Variants in LRP5 observed in about 807,000 individuals in gnomAD.
The protein encoded by LRP5 is low-density lipoprotein receptor-related protein 5.
A neutral mutation model predicts 154.1 loss-of-function variants in LRP5; 62 were observed. The ratio of observed to expected loss-of-function variants is 0.40; its 90% CI spans 0.33 to 0.50. LRP5 has a LOEUF of 0.50. Ranked by LOEUF, LRP5 falls within the 20% of genes least tolerant of loss-of-function variation. The pLI is 0.55. For synonymous variants in LRP5, 966 were observed against 1,011.5 expected (o/e 0.96, Z 0.85); for missense variants, 1,915 against 2,336.7 (o/e 0.82, Z 3.72).
chr11:68,322,606 G>T (rs1182415563), intron 1 of LRP5, among the ~76,000 whole-genome samples: 1 of 152,256 alleles, frequency 6.6e-6, no homozygotes, highest in South Asian at 2.1e-4. Flanking sequence ...ACCTGGGAGG[G>T]CCTTGAGGAC....
intron 1 of LRP5, among the ~76,000 whole-genome samples, chr11:68,333,845 G>GC (rs2098604220): frequency 1.3e-5 from 2 of 152,168 alleles, no homozygotes; most frequent in Non-Finnish European, 2.9e-5. Flanking sequence ...GATGGCAGTT[G>GC]CCCCCAGATT....
chr11:68,415,332 G>A (rs2098661941), intron 12 of LRP5, among the ~76,000 whole-genome samples: 1 of 152,198 alleles, frequency 6.6e-6, no homozygotes, highest in Non-Finnish European at 1.5e-5. Flanking sequence ...CAGTTCACTG[G>A]TGCACACATA....
intron 10 of LRP5, among the ~76,000 whole-genome samples, chr11:68,411,131 GTGGA>G (rs1227751483): frequency 2.6e-5 from 4 of 152,146 alleles, no homozygotes; most frequent in Non-Finnish European, 5.9e-5. Flanking sequence ...CCAAGCTTAG[GTGGA>G]TGTTCCAGCA....
At chr11:68,364,686 G>A (rs2153140028) in intron 4 of LRP5, among the ~76,000 whole-genome samples, 1 of 152,298 alleles carries the variant, frequency 6.6e-6, no homozygotes, top group Non-Finnish European at 1.5e-5. Flanking sequence ...ACAGGGACCA[G>A]GGATGGAGAT....
chr11:68,315,391 C>G (rs1470124821), intron 1 of LRP5, among the ~76,000 whole-genome samples: 2 of 152,258 alleles, frequency 1.3e-5, no homozygotes, highest in Non-Finnish European at 2.9e-5. Flanking sequence ...CACTCACTCA[C>G]CGCTGCAGCC....
intron 2 of LRP5, among the ~76,000 whole-genome samples, chr11:68,357,261 A>G (rs2098623885): frequency 6.6e-6 from 1 of 152,088 alleles, no homozygotes. Context: ...ATACCACTAA[A>G]TAATATTCCA....
At chr11:68,394,616 C>T (rs1345414594) in intron 7 of LRP5, among the ~76,000 whole-genome samples, 1 of 152,194 alleles carries the variant, frequency 6.6e-6, no homozygotes, top group African/African-American at 2.4e-5. Context: ...CAGGCGCCTG[C>T]CACCGCGCCC....
intron 7 of LRP5, among the ~76,000 whole-genome samples, chr11:68,398,029 T>C (rs1184548776): frequency 1.4e-5 from 2 of 143,098 alleles, no homozygotes; most frequent in Admixed American, 6.9e-5. Flanking sequence ...CGCACATGTG[T>C]ATAAGATCTT....
intron 5 of LRP5, among the ~76,000 whole-genome samples, chr11:68,379,903 A>G (rs2098639349): frequency 6.6e-6 from 1 of 152,184 alleles, no homozygotes; most frequent in Admixed American, 6.5e-5. Context: ...AGGCAGAGGC[A>G]GGCAGATCAC....
chr11:68,406,839 A>C, intron 9 of LRP5, 26 bp downstream of exon 9: 1 of 1,611,624 alleles, frequency 6.2e-7, no homozygotes, highest in South Asian at 1.1e-5. Flanking sequence ...ACGTGCACAC[A>C]GGCAGCCTTT....
chr11:68,365,386 C>G (rs1565348398), intron 4 of LRP5, among the ~76,000 whole-genome samples, 185 bp from the exon 5 acceptor site: 5 of 151,928 alleles, frequency 3.3e-5, no homozygotes, highest in African/African-American at 7.3e-5. Context: ...CCCATGTGGA[C>G]GGGCCAGCGA....
intron 16 of LRP5, among the ~76,000 whole-genome samples, chr11:68,427,915 G>A (rs938071587): frequency 6.6e-6 from 1 of 151,900 alleles, no homozygotes; most frequent in Admixed American, 6.6e-5. Context: ...ATAGAATAAC[G>A]CGAGTTCCCA....
At chr11:68,403,174 G>A (rs1300484684) in intron 7 of LRP5, among the ~76,000 whole-genome samples, 1 of 152,164 alleles carries the variant, frequency 6.6e-6, no homozygotes, top group African/African-American at 2.4e-5. Context: ...GAACCTGGGA[G>A]GTGGAGCTTG....
At chr11:68,344,845 CTCTCTTTTTTTTT>C (rs2098611430) in intron 1 of LRP5, among the ~76,000 whole-genome samples, 1 of 130,480 alleles carries the variant, frequency 7.7e-6, no homozygotes, top group African/African-American at 3.0e-5. Flanking sequence ...GTCAGAATCT[CTCTCTTTTTTTTT>C]TTTTTTTTTT....
In LRP5 at chr11:68,423,799, C is replaced by CAT; in HGVS notation, c.3236+102_3236+103insAT. 1 of 1,184,542 alleles carries CAT rather than the reference C, an allele frequency of 8.4e-7. No individual in the cohort carries two copies. Among genetic ancestry groups the CAT allele is most frequent in the Non-Finnish European group, 1.2e-6 (1 of 838,276 alleles). The allele number at this position is 1,184,542 out of a possible 1,614,324, so 73.4% of individuals were successfully genotyped here. ...TCACAGGCTGGGGAGACTTTCCACC[C>CAT]TGGGGATCCAATGGGTGGCTTTCCA... On this transcript the variant is annotated intron_variant, in intron 14 of 22. Coordinates refer to ENST00000294304, the MANE Select transcript of LRP5 (RefSeq NM_002335.4). This position sits in a 1 kb window ranked among gnomAD's most constrained non-coding sequence, Gnocchi z 4.7.
chr11:68,392,992 G>C (rs566934297), intron 7 of LRP5, among the ~76,000 whole-genome samples: 1 of 151,996 alleles, frequency 6.6e-6, no homozygotes, highest in Non-Finnish European at 1.5e-5. Context: ...TGAACGTGGT[G>C]GTGGTGGGCA....
At chr11:68,446,238 C>T (rs948491671) in intron 21 of LRP5, among the ~76,000 whole-genome samples, 198 bp from the exon 22 acceptor site, 7 of 152,232 alleles carry the variant, frequency 4.6e-5, no homozygotes, top group South Asian at 2.1e-4. Flanking sequence ...CTTTGCCTTT[C>T]ACTGAGATGA....
At chr11:68,446,786 T>C (rs1220128809) in intron 22 of LRP5, among the ~76,000 whole-genome samples, 2 of 152,116 alleles carry the variant, frequency 1.3e-5, no homozygotes, top group Admixed American at 6.5e-5. Context: ...GTTGCTCCTA[T>C]GGGGGTTACT....
intron 1 of LRP5, among the ~76,000 whole-genome samples, chr11:68,320,086 A>G (rs4988299): frequency 0.21 from 31,352 of 152,182 alleles, 3,920 homozygotes; most frequent in Non-Finnish European, 0.3. Flanking sequence ...TATTGAGCTC[A>G]GGAGGTCAAG....
Sources: gnomAD v4.1 joint callset for allele counts (sites outside exome capture counted in the v4.1 genomes callset) on GRCh38, gnomAD v4.1.1 for gene constraint, Gnocchi (gnomAD v3.1) non-coding constraint, MANE v1.5 for transcripts, NCBI Gene and HGNC (gene_info 2026-07-23, HGNC 2026-07-21) for gene names.